Variants in CDH4 observed in about 807,000 individuals in gnomAD.
CDH4 encodes cadherin-4.
CDH4 carries 33 observed loss-of-function variants against 86.0 expected under a neutral mutation model. That is an observed-to-expected ratio of 0.38 (90% confidence interval 0.29 to 0.51). The LOEUF is 0.51. CDH4 is among the 20% of genes least tolerant of loss of function. The pLI is 0.86. For synonymous variants in CDH4, 555 were observed against 549.4 expected, an observed-to-expected ratio of 1.01 and a Z score of -0.14; for missense variants, 1,114 against 1,307.4, an observed-to-expected ratio of 0.85 and a Z score of 2.28.
chr20:61,512,479 A>G (rs1386336701), intron 2 of CDH4, among the ~76,000 whole-genome samples: 1 of 152,202 alleles, frequency 6.6e-6, no homozygotes, highest in Non-Finnish European at 1.5e-5. Flanking sequence ...TAAATGGCTG[A>G]GTCTATTAAA....
chr20:61,259,887 C>T (rs2084119539), intron 2 of CDH4, among the ~76,000 whole-genome samples: 1 of 152,186 alleles, frequency 6.6e-6, no homozygotes, highest in Non-Finnish European at 1.5e-5. Flanking sequence ...GCCATGCCTT[C>T]CACCCTTTGC....
At chr20:61,841,675 T>C (rs1293089690) in intron 4 of CDH4, among the ~76,000 whole-genome samples, 2 of 148,170 alleles carry the variant, frequency 1.3e-5, no homozygotes, top group African/African-American at 4.9e-5. Context: ...TACCTGATCA[T>C]GGGAAAGTAA....
chr20:61,534,329 G>A (rs928955222), intron 2 of CDH4, among the ~76,000 whole-genome samples: 4 of 152,192 alleles, frequency 2.6e-5, no homozygotes, highest in Non-Finnish European at 4.4e-5. Context: ...GGGCAGGAAC[G>A]ACCACACGGG....
chr20:61,483,671 G>GCC (rs556546550), intron 2 of CDH4, among the ~76,000 whole-genome samples: 2,429 of 131,640 alleles, frequency 0.018, 63 homozygotes, highest in African/African-American at 0.066. Flanking sequence ...ACCAGCACCC[G>GCC]CCCCCCCCGC....
intron 2 of CDH4, among the ~76,000 whole-genome samples, chr20:61,600,515 G>A (rs2086592128): frequency 6.6e-6 from 1 of 152,144 alleles, no homozygotes; most frequent in Non-Finnish European, 1.5e-5. Flanking sequence ...GCGGGACAGC[G>A]GTGAGAATCT....
intron 2 of CDH4, among the ~76,000 whole-genome samples, chr20:61,345,617 G>A (rs1412430428): frequency 6.6e-6 from 1 of 152,222 alleles, no homozygotes; most frequent in African/African-American, 2.4e-5. Flanking sequence ...ACAAGGAAAT[G>A]TTGATTCACT....
Position 61,663,864 on chromosome 20 carries a change from C to T in CDH4, c.170-79699C>T, listed in dbSNP as rs992532319. Among the ~76,000 whole-genome samples the T allele has an allele frequency of 2.0e-5, 3 of 152,292 alleles. No individual in the cohort carries two copies. The highest frequency in any genetic ancestry group is 6.5e-5 in the Admixed American group (1 of 15,304). The stretch of plus-strand genomic sequence containing the variant: ...CTGGGTCTTCCAGCTCCCTCGAGGC[C>T]GCCCTGGCCCTCCACACTCCCACCG... On this transcript the variant is annotated intron_variant, in intron 2 of 15. Transcript: ENST00000614565. This position sits in a 1 kb window ranked among gnomAD's most constrained non-coding sequence, Gnocchi z 5.0.
chr20:61,679,730 C>T (rs2087488230), intron 2 of CDH4, among the ~76,000 whole-genome samples: 1 of 152,166 alleles, frequency 6.6e-6, no homozygotes, highest in South Asian at 2.1e-4. Flanking sequence ...AGCCTGTGGC[C>T]CCTGTGTGTA....
intron 2 of CDH4, among the ~76,000 whole-genome samples, chr20:61,444,615 CTG>C (rs1174405344): frequency 2.1e-5 from 3 of 143,112 alleles, no homozygotes; most frequent in East Asian, 2.1e-4. Flanking sequence ...GTGTGTTTCT[CTG>C]TGTGTGTGTA....
intron 2 of CDH4, among the ~76,000 whole-genome samples, chr20:61,433,138 C>T (rs1306642474): frequency 2.0e-5 from 3 of 152,198 alleles, no homozygotes; most frequent in African/African-American, 4.8e-5. Flanking sequence ...AACACCCAGC[C>T]TATGATGGAT....
At chr20:61,527,896 C>A (rs556623903) in intron 2 of CDH4, among the ~76,000 whole-genome samples, 1 of 152,060 alleles carries the variant, frequency 6.6e-6, no homozygotes, top group Non-Finnish European at 1.5e-5. Flanking sequence ...CCCGGGGCAC[C>A]GGCGCTCACC....
chr20:61,506,180 T>C (rs2145606871), intron 2 of CDH4, among the ~76,000 whole-genome samples: 1 of 152,322 alleles, frequency 6.6e-6, no homozygotes, highest in South Asian at 2.1e-4. Context: ...AAATGACAAG[T>C]TAGGAAACGT....
chr20:61,687,477 G>A (rs1455331503), intron 2 of CDH4, among the ~76,000 whole-genome samples: 1 of 152,188 alleles, frequency 6.6e-6, no homozygotes, highest in Admixed American at 6.5e-5. Context: ...AGCCTGGGCG[G>A]GACTTGCTGA....
chr20:61,746,114 GC>G (rs1483265049), intron 3 of CDH4, among the ~76,000 whole-genome samples: 1 of 152,150 alleles, frequency 6.6e-6, no homozygotes, highest in African/African-American at 2.4e-5. Flanking sequence ...GCCTCTAACA[GC>G]AGTGGCCCCC....
chr20:61,934,307 C>A, intron 15 of CDH4, 87 bp downstream of exon 15: 1 of 1,402,420 alleles, frequency 7.1e-7, no homozygotes, highest in South Asian at 1.5e-5. Context: ...GCCATCTCCA[C>A]AGTGCCGGCG....
At chr20:61,858,271 CTA>C (rs1477279546) in intron 6 of CDH4, among the ~76,000 whole-genome samples, 4 of 128,638 alleles carry the variant, frequency 3.1e-5, no homozygotes, top group African/African-American at 1.2e-4. Context: ...GTGTCTGTGT[CTA>C]TGTGTGTCTG....
intron 4 of CDH4, among the ~76,000 whole-genome samples, chr20:61,801,217 G>A (rs1011185476): frequency 1.3e-5 from 2 of 152,184 alleles, no homozygotes; most frequent in African/African-American, 4.8e-5. Context: ...AGGCTGCAGC[G>A]GGAGAGCCGG....
rs115677729 is a variant in CDH4 at position 61,629,815 on chromosome 20, T to C, written c.170-113748T>C. Among the ~76,000 whole-genome samples the C allele has an allele frequency of 2.2e-3, 337 of 152,306 alleles. 2 individuals are homozygous for C. The highest frequency in any genetic ancestry group is 7.6e-3 in the African/African-American group (314 of 41,564). On this transcript the variant is annotated intron_variant, in intron 2 of 15. Transcript: ENST00000614565. ...TCCAGGTTCCGTCCTCCCTGCAGCC[T>C]GGAGCCTGAGTCCGATGCGGCGCCT... is the stretch of plus-strand genomic sequence containing the variant.
intron 2 of CDH4, among the ~76,000 whole-genome samples, chr20:61,522,663 G>A (rs939027031): frequency 2.6e-5 from 4 of 152,224 alleles, no homozygotes; most frequent in South Asian, 2.1e-4. Context: ...CACGCACGGC[G>A]CAGTCCGGGT....
Sources: gnomAD v4.1 joint callset for allele counts (sites outside exome capture counted in the v4.1 genomes callset) on GRCh38, gnomAD v4.1.1 for gene constraint, Gnocchi (gnomAD v3.1) non-coding constraint, MANE v1.5 for transcripts, NCBI Gene and HGNC (gene_info 2026-07-23, HGNC 2026-07-21) for gene names.